Variants in PRKCE observed in about 807,000 individuals in gnomAD.
PRKCE encodes protein kinase C epsilon type.
In PRKCE, 16 loss-of-function variants were observed where a neutral mutation model predicts 85.4. That is an observed-to-expected ratio of 0.19 (90% CI 0.13 to 0.28). The LOEUF is 0.28. Ranked by LOEUF, PRKCE falls within the 10% of genes least tolerant of loss-of-function variation. The pLI, the probability that PRKCE is intolerant of heterozygous loss-of-function variation, is 1.00. For synonymous variants in PRKCE, 388 were observed against 371.5 expected (o/e 1.04, Z -0.51); for missense variants, 573 against 975.2 (o/e 0.59, Z 5.49).
At chr2:45,765,613 C>CT (rs768503060) in intron 1 of PRKCE, among the ~76,000 whole-genome samples, 3 of 152,240 alleles carry the variant, frequency 2.0e-5, no homozygotes, top group Non-Finnish European at 4.4e-5. Context: ...TCCTCTTCCC[C>CT]TTTTTCCTTT....
intron 10 of PRKCE, among the ~76,000 whole-genome samples, chr2:46,018,511 T>C (rs1198869331): frequency 6.6e-6 from 1 of 152,208 alleles, no homozygotes; most frequent in Non-Finnish European, 1.5e-5. Context: ...CTGGCCTCTA[T>C]ACAGTGCCCA....
intron 1 of PRKCE, among the ~76,000 whole-genome samples, chr2:45,787,803 G>A (rs903531190): frequency 6.6e-6 from 1 of 152,174 alleles, no homozygotes; most frequent in African/African-American, 2.4e-5. Flanking sequence ...CTGGGTAGTG[G>A]GATGTATGAC....
intron 1 of PRKCE, among the ~76,000 whole-genome samples, chr2:45,691,128 A>G (rs2104063170): frequency 6.6e-6 from 1 of 152,356 alleles, no homozygotes; most frequent in East Asian, 1.9e-4. Context: ...AGCTGTAACC[A>G]GGCCAGAATG....
At chr2:46,108,465 C>T (rs1671953656) in intron 11 of PRKCE, among the ~76,000 whole-genome samples, 1 of 152,078 alleles carries the variant, frequency 6.6e-6, no homozygotes, top group Non-Finnish European at 1.5e-5. Flanking sequence ...ACTATGCATG[C>T]ACATGTGAGC....
At chr2:46,053,592 G>T (rs2105076224) in intron 10 of PRKCE, among the ~76,000 whole-genome samples, 1 of 152,286 alleles carries the variant, frequency 6.6e-6, no homozygotes, top group East Asian at 1.9e-4. Context: ...TGTGAGCGGA[G>T]TCATACAGTA....
intron 2 of PRKCE, among the ~76,000 whole-genome samples, chr2:45,953,543 G>A (rs960825443): frequency 2.0e-5 from 3 of 152,140 alleles, no homozygotes; most frequent in African/African-American, 7.2e-5. Flanking sequence ...ACTAAAAAAT[G>A]ACATTGAACC....
rs181409498 is a variant in PRKCE, at chr2:46,027,877, A to G, written c.1437+17360A>G. On this transcript the variant is annotated intron_variant, in intron 10 of 14. Transcript: ENST00000306156. ...GGGGCTCAAGACCAGGGGGTTATCT[A>G]CAGAACTGCTGGCCCACCTTCCACC... Among the ~76,000 whole-genome samples, 711 of 152,230 alleles carry G rather than the reference A, an allele frequency of 4.7e-3. 3 individuals are homozygous for G. The highest frequency in any genetic ancestry group is 4.4e-3 in the Non-Finnish European group (300 of 68,012).
At position 46,130,116 on chromosome 2, in the gene PRKCE, T is replaced by C. The variant is rs370681355; in HGVS notation, c.1593-14977T>C. On this transcript the variant is annotated intron_variant, in intron 11 of 14. Coordinates refer to ENST00000306156, the MANE Select transcript of PRKCE (RefSeq NM_005400.3). ...TCTTGTGTATTCTTAAGGTTTCAGG[T>C]ATAATTGTTTTTGTGGTTGTTTTCA... 2.0e-5 allele frequency among the ~76,000 whole-genome samples: 3 copies of C among 152,326 alleles called. No individual in the cohort carries two copies. In the East Asian group the frequency reaches 5.8e-4, roughly 29 times the overall value.
chr2:46,134,996 T>G (rs2104428153), intron 11 of PRKCE, among the ~76,000 whole-genome samples: 1 of 152,334 alleles, frequency 6.6e-6, no homozygotes, highest in Non-Finnish European at 1.5e-5. Context: ...AATTCTGTAG[T>G]GATTCCAAGG....
chr2:46,032,928 A>C (rs534406890), intron 10 of PRKCE, among the ~76,000 whole-genome samples: 111 of 152,244 alleles, frequency 7.3e-4, no homozygotes, highest in African/African-American at 2.6e-3. Context: ...AAAATTCATC[A>C]TGGACTGGAA....
At chr2:45,765,128 C>T (rs1212868550) in intron 1 of PRKCE, among the ~76,000 whole-genome samples, 1 of 152,204 alleles carries the variant, frequency 6.6e-6, no homozygotes, top group South Asian at 2.1e-4. Flanking sequence ...GGAGGAAACG[C>T]TTTACCCTTA....
intron 2 of PRKCE, among the ~76,000 whole-genome samples, chr2:45,932,928 C>T (rs192647889): frequency 5.3e-5 from 8 of 152,340 alleles, no homozygotes; most frequent in Admixed American, 5.2e-4. Context: ...GTCTTCAAGG[C>T]TCATCCCATG....
intron 1 of PRKCE, among the ~76,000 whole-genome samples, chr2:45,827,737 A>G (rs754748): frequency 0.55 from 83,898 of 151,996 alleles, 23,570 homozygotes; most frequent in Middle Eastern, 0.65. Context: ...TCTTATTTAC[A>G]TCTTGTTCAT....
chr2:45,988,858 A>T (rs781274392), intron 6 of PRKCE, among the ~76,000 whole-genome samples: 5 of 152,040 alleles, frequency 3.3e-5, no homozygotes, highest in Non-Finnish European at 7.4e-5. Flanking sequence ...CTCCAATCTC[A>T]GGTTCACTGG....
At chr2:45,980,167 A>G in intron 4 of PRKCE, 129 bp from the exon 5 acceptor site, 2 of 729,504 alleles carry the variant, frequency 2.7e-6, no homozygotes, top group Non-Finnish European at 4.5e-6. Flanking sequence ...TAGGGAGGGT[A>G]TTAAATTAAG....
chr2:45,969,176 C>G (rs1701939168), intron 2 of PRKCE, among the ~76,000 whole-genome samples: 1 of 151,806 alleles, frequency 6.6e-6, no homozygotes, highest in Non-Finnish European at 1.5e-5. Context: ...CAGAGGACGT[C>G]TCTGCTTCGC....
intron 10 of PRKCE, among the ~76,000 whole-genome samples, chr2:46,065,741 A>T (rs1467305676): frequency 6.6e-6 from 1 of 152,222 alleles, no homozygotes; most frequent in Admixed American, 6.5e-5. Context: ...TTAAAAAATT[A>T]TCCTAAAATA....
At chr2:45,916,044 G>A (rs1697746423) in intron 2 of PRKCE, among the ~76,000 whole-genome samples, 1 of 152,114 alleles carries the variant, frequency 6.6e-6, no homozygotes, top group South Asian at 2.1e-4. Context: ...AGTTTAGGAT[G>A]GCTCTAGGGC....
chr2:46,095,130 T>A (rs1458677513), intron 11 of PRKCE, among the ~76,000 whole-genome samples: 1 of 152,258 alleles, frequency 6.6e-6, no homozygotes, highest in African/African-American at 2.4e-5. Context: ...TCTGGAACTA[T>A]CATTCAGATA....
Sources: allele counts gnomAD v4.1 joint callset (sites outside exome capture counted in the v4.1 genomes callset), GRCh38; gene constraint gnomAD v4.1.1; transcripts MANE v1.5; gene names NCBI Gene and HGNC (gene_info 2026-07-23, HGNC 2026-07-21).